ARMC3: variants seen among roughly 807,000 people sequenced by gnomAD.
ARMC3 encodes the protein armadillo repeat-containing protein 3.
Under a neutral mutation model 90.3 loss-of-function variants are expected in ARMC3, and 74 were observed. The ratio of observed to expected loss-of-function variants is 0.82; its 90% CI spans 0.68 to 0.99. The LOEUF is 0.99. Ranked by LOEUF, ARMC3 falls within the 50% of genes least tolerant of loss-of-function variation. ARMC3 has a pLI of 0.00. For synonymous variants in ARMC3, 334 were observed against 361.8 expected (o/e 0.92, Z 0.87); for missense variants, 958 against 1,042.8 (o/e 0.92, Z 1.12).
At chr10:22,984,608 TATG>T (rs1196721798) in intron 10 of ARMC3, among the ~76,000 whole-genome samples, 2 of 152,130 alleles carry the variant, frequency 1.3e-5, no homozygotes, top group South Asian at 2.1e-4. Flanking sequence ...AATAAAATAG[TATG>T]ATGATGAGCA....
intron 2 of ARMC3, among the ~76,000 whole-genome samples, chr10:22,933,661 G>A (rs1429089828): frequency 2.6e-5 from 4 of 152,058 alleles, no homozygotes; most frequent in East Asian, 1.9e-4. Context: ...TGAGGCGGGC[G>A]GATCACGAGG....
intron 1 of ARMC3, among the ~76,000 whole-genome samples, chr10:22,928,411 C>T (rs1833798852): frequency 6.6e-6 from 1 of 152,100 alleles, no homozygotes; most frequent in Non-Finnish European, 1.5e-5. Flanking sequence ...TTTCTTGAGC[C>T]CTCCTCCTCT....
rs112157808 is a variant in ARMC3 at position 22,942,805 on chromosome 10, A to G, written c.49-3339A>G. Among the ~76,000 whole-genome samples the G allele has an allele frequency of 8.9e-4, 136 of 152,330 alleles. 1 individual carries two copies. Among genetic ancestry groups the G allele is most frequent in the African/African-American group, 3.2e-3 (135 of 41,592 alleles). On this transcript the variant is annotated intron_variant, in intron 2 of 18. Coordinates refer to ENST00000298032, the MANE Select transcript of ARMC3 (RefSeq NM_173081.5). ...AAAAGAATATTCATTGTGACCTATG[A>G]TTTCCTTAAACTGGAAAGAAAAGAA...
chr10:23,031,651 G>A lies in ARMC3; in HGVS notation c.2246+855G>A, dbSNP rs577636963. Among the ~76,000 whole-genome samples the A allele has an allele frequency of 6.6e-5, 10 of 152,250 alleles. No individual in the cohort carries two copies. In the South Asian group the frequency reaches 8.3e-4, roughly 13 times the overall value. ...GTCCTTGAGAAGTGATGGCTCAAGCGGAACTCTGTCTTGGCTTATGTGAAC... is the reference window on the plus strand; with the variant it reads ...GTCCTTGAGAAGTGATGGCTCAAGCAGAACTCTGTCTTGGCTTATGTGAAC... On this transcript the variant is annotated intron_variant, in intron 17 of 18. Transcript: ENST00000298032.
At chr10:22,939,096 A>G (rs1834221001) in intron 2 of ARMC3, among the ~76,000 whole-genome samples, 1 of 152,160 alleles carries the variant, frequency 6.6e-6, no homozygotes. Flanking sequence ...AAAAGTAAGT[A>G]TTTGTAAGGT....
chr10:22,975,925 C>T (rs894841119), intron 8 of ARMC3, among the ~76,000 whole-genome samples: 5 of 152,154 alleles, frequency 3.3e-5, no homozygotes, highest in Admixed American at 1.3e-4. Context: ...TTTTAATGCT[C>T]ATCATGGAAT....
intron 14 of ARMC3, among the ~76,000 whole-genome samples, chr10:23,007,797 C>G (rs1006712559): frequency 1.3e-5 from 2 of 151,518 alleles, no homozygotes; most frequent in Admixed American, 1.3e-4. Context: ...AATTTCTGTT[C>G]TAGCTTATGA....
intron 6 of ARMC3, 45 bp from the exon 7 acceptor site, chr10:22,961,839 G>A (rs748050100): frequency 1.7e-5 from 24 of 1,442,460 alleles, no homozygotes; most frequent in Admixed American, 1.4e-4. Flanking sequence ...TCTTGAGGAT[G>A]TATTTTGCTT....
intron 8 of ARMC3, among the ~76,000 whole-genome samples, chr10:22,979,994 A>T (rs557554093): frequency 6.6e-6 from 1 of 152,302 alleles, no homozygotes; most frequent in South Asian, 2.1e-4. Context: ...GTGCCATCTA[A>T]ACGTGATACT....
intron 16 of ARMC3, among the ~76,000 whole-genome samples, chr10:23,025,528 T>A (rs1484816216): frequency 6.6e-6 from 1 of 151,896 alleles, no homozygotes; most frequent in Non-Finnish European, 1.5e-5. Flanking sequence ...TCAAAAAAAA[T>A]TAAGAACGTA....
intron 16 of ARMC3, among the ~76,000 whole-genome samples, chr10:23,021,328 C>G (rs956659896): frequency 1.3e-5 from 2 of 152,050 alleles, no homozygotes; most frequent in South Asian, 4.1e-4. Context: ...GGGTGTACAC[C>G]CAGTAATGGG....
intron 18 of ARMC3, among the ~76,000 whole-genome samples, chr10:23,033,799 C>T (rs1839017715): frequency 1.3e-5 from 2 of 152,124 alleles, no homozygotes; most frequent in African/African-American, 4.8e-5. Context: ...TTGATCCATG[C>T]TAAATCCTAG....
chr10:22,935,632 T>C (rs1208987586), intron 2 of ARMC3, among the ~76,000 whole-genome samples: 1 of 152,206 alleles, frequency 6.6e-6, no homozygotes, highest in African/African-American at 2.4e-5. Flanking sequence ...TTATAAGGAC[T>C]TCTTTTCCCA....
At chr10:22,931,064 A>G (rs1243145016) in intron 1 of ARMC3, among the ~76,000 whole-genome samples, 1 of 152,028 alleles carries the variant, frequency 6.6e-6, no homozygotes, top group Admixed American at 6.6e-5. Flanking sequence ...AGTAGCTGGG[A>G]CTACAAGGCA....
intron 13 of ARMC3, among the ~76,000 whole-genome samples, chr10:23,005,614 C>T (rs1837564047): frequency 6.6e-6 from 1 of 152,146 alleles, no homozygotes; most frequent in Non-Finnish European, 1.5e-5. Context: ...CCTGTAATCC[C>T]AGCACTTTGG....
chr10:22,981,778 A>T, intron 10 of ARMC3, 78 bp downstream of exon 10: 1 of 1,203,350 alleles, frequency 8.3e-7, no homozygotes, highest in South Asian at 1.3e-5. Context: ...TAGTATATTG[A>T]CTTTCACGAT....
chr10:23,028,363 TACTTC>T (rs1838800403), intron 16 of ARMC3, among the ~76,000 whole-genome samples: 1 of 102,980 alleles, frequency 9.7e-6, no homozygotes, highest in Non-Finnish European at 2.5e-5. Context: ...AAGATTTTTA[TACTTC>T]ATTTCAAGAG....
intron 11 of ARMC3, 90 bp downstream of exon 11, chr10:22,998,487 A>G (rs1837120632): frequency 6.7e-7 from 1 of 1,489,816 alleles, no homozygotes; most frequent in Non-Finnish European, 9.0e-7. Context: ...GATTGAACCT[A>G]CCTGTCATTT....
At chr10:22,974,886 C>G (rs1835847716) in intron 8 of ARMC3, among the ~76,000 whole-genome samples, 1 of 151,280 alleles carries the variant, frequency 6.6e-6, no homozygotes, top group African/African-American at 2.4e-5. Context: ...AAGTGATCCA[C>G]CTGCCTTGGC....
Sources: gnomAD v4.1 joint callset for allele counts (sites outside exome capture counted in the v4.1 genomes callset) on GRCh38, gnomAD v4.1.1 for gene constraint, MANE v1.5 for transcripts, NCBI Gene and HGNC (gene_info 2026-07-23, HGNC 2026-07-21) for gene names.